THSD4: variants seen among roughly 807,000 people sequenced by gnomAD.
THSD4 encodes the protein thrombospondin type 1 domain containing 4.
Under a neutral mutation model 119.0 loss-of-function variants are expected in THSD4, and 69 were observed. That is an observed-to-expected ratio of 0.58 (90% CI 0.48 to 0.71). The LOEUF (loss-of-function observed/expected upper bound fraction) is 0.71, where lower values mean the gene tolerates loss of function less well. Ranked by LOEUF, THSD4 falls within the 30% of genes least tolerant of loss-of-function variation. The pLI is 0.00. For missense variants in THSD4, 1,393 were observed against 1,391.1 expected (o/e 1.00, Z -0.02); for synonymous variants, 524 against 540.4 (o/e 0.97, Z 0.42).
chr15:71,594,184 CA>C (rs1490141937), intron 7 of THSD4, among the ~76,000 whole-genome samples: 2 of 151,848 alleles, frequency 1.3e-5, no homozygotes, highest in African/African-American at 4.8e-5. Flanking sequence ...CCTTTCACTC[CA>C]GTCTGTTCCC....
chr15:71,109,003 CAAACAAACAAAA>C lies in THSD4; in HGVS notation c.-80+12017_-80+12028del, dbSNP rs1020847512. Among the ~76,000 whole-genome samples the C allele has an allele frequency of 4.2e-4, 64 of 151,994 alleles. 1 individual carries two copies. The highest frequency in any genetic ancestry group is 1.1e-3 in the African/African-American group (46 of 41,380). Reference sequence around the variant, plus strand: ...TGAGACTCCGTCTCAAACAAACAAACAAACAAACAAAAAAACAAACAAAAAAACAAAAAGAGA... The same window carrying C: ...TGAGACTCCGTCTCAAACAAACAAACAAACAAACAAAAAAACAAAAAGAGA... On this transcript the variant is annotated intron_variant, in intron 1 of 17. Transcript: ENST00000355327.
At chr15:71,719,044 A>C (rs560574940) in intron 8 of THSD4, among the ~76,000 whole-genome samples, 11 of 152,316 alleles carry the variant, frequency 7.2e-5, no homozygotes, top group Non-Finnish European at 1.3e-4. Context: ...ACATACATAA[A>C]CTTTCTTTAA....
rs928519504 is a variant in THSD4 at position 71,652,074 on chromosome 15, C to T, written c.1153-8456C>T. Among the ~76,000 whole-genome samples the T allele has an allele frequency of 5.9e-5, 9 of 152,348 alleles. No individual in the cohort carries two copies. In the East Asian group the frequency reaches 1.5e-3, roughly 26 times the overall value. The stretch of plus-strand genomic sequence containing the variant: ...ATCAGGCCAGTGTGCAAGCAACCTC[C>T]ATCCTGGATCAGAGTTCATCAACCC... On this transcript the variant is annotated intron_variant, in intron 7 of 17. Coordinates refer to ENST00000261862, the MANE Select transcript of THSD4 (RefSeq NM_024817.3).
intron 6 of THSD4, among the ~76,000 whole-genome samples, chr15:71,333,379 C>T (rs984172110): frequency 1.3e-5 from 2 of 152,168 alleles, no homozygotes; most frequent in African/African-American, 4.8e-5. Context: ...TCACTGTGGT[C>T]ATAGAGAATT....
At chr15:71,494,335 C>G (rs977445122) in intron 7 of THSD4, among the ~76,000 whole-genome samples, 18 of 151,870 alleles carry the variant, frequency 1.2e-4, no homozygotes, top group African/African-American at 4.4e-4. Context: ...CTTTTCTAAC[C>G]CCCCTTCCAA....
At chr15:71,532,283 A>AGAGTGTGTGTGTGT (rs1379506089) in intron 7 of THSD4, among the ~76,000 whole-genome samples, 1 of 101,574 alleles carries the variant, frequency 9.8e-6, no homozygotes, top group African/African-American at 3.4e-5. Flanking sequence ...AGAGAGAGAG[A>AGAGTGTGTGTGTGT]GTGTGTGTGT....
intron 7 of THSD4, among the ~76,000 whole-genome samples, chr15:71,657,282 C>G (rs905317363): frequency 6.6e-6 from 1 of 152,142 alleles, no homozygotes; most frequent in Non-Finnish European, 1.5e-5. Context: ...TGCATCTTTA[C>G]GTGTTTCGAT....
intron 4 of THSD4, among the ~76,000 whole-genome samples, chr15:71,242,403 A>T (rs952772502): frequency 6.6e-6 from 1 of 152,150 alleles, no homozygotes; most frequent in Non-Finnish European, 1.5e-5. Flanking sequence ...AACCACTTGC[A>T]TCATCCACTG....
At chr15:71,398,957 C>T (rs1297476041) in intron 6 of THSD4, among the ~76,000 whole-genome samples, 1 of 151,966 alleles carries the variant, frequency 6.6e-6, no homozygotes, top group Admixed American at 6.6e-5. Context: ...AGTCCCCAGG[C>T]CCCCATGAGA....
intron 7 of THSD4, among the ~76,000 whole-genome samples, chr15:71,543,576 G>A (rs2048791702): frequency 6.6e-6 from 1 of 152,238 alleles, no homozygotes; most frequent in African/African-American, 2.4e-5. Flanking sequence ...TACTGAGATG[G>A]AGGAAACAGG....
At chr15:71,128,193 A>G (rs181669682) in intron 1 of THSD4, among the ~76,000 whole-genome samples, 1 of 151,908 alleles carries the variant, frequency 6.6e-6, no homozygotes, top group African/African-American at 2.4e-5. Flanking sequence ...CAACCTGAGC[A>G]ACAGATATAA....
chr15:71,538,818 G>T (rs1418887507), intron 7 of THSD4, among the ~76,000 whole-genome samples: 1 of 152,252 alleles, frequency 6.6e-6, no homozygotes, highest in Non-Finnish European at 1.5e-5. Flanking sequence ...CCAATGCATT[G>T]TCTGAACTAG....
intron 6 of THSD4, among the ~76,000 whole-genome samples, chr15:71,345,738 A>G (rs990355649): frequency 6.6e-6 from 1 of 151,734 alleles, no homozygotes; most frequent in South Asian, 2.1e-4. Context: ...AGATGCCCCT[A>G]AAGACATTCC....
At position 71,502,309 on chromosome 15, in the gene THSD4, C is replaced by T. The variant is rs2048123784; in HGVS notation, c.1152+90486C>T. 2.6e-5 allele frequency among the ~76,000 whole-genome samples: 4 copies of T among 152,104 alleles called. 1 individual carries two copies. In the South Asian group the frequency reaches 8.3e-4, roughly 32 times the overall value. On this transcript the variant is annotated intron_variant, in intron 7 of 17. Transcript: ENST00000261862. ...CTTAAAAATGCCTCTCAACACTTAT[C>T]ATGTGCTATGGAAATGAACTAGGAG...
rs1038473484 is a variant in THSD4, at chr15:71,274,915, G to A, written c.1015+18200G>A. Among the ~76,000 whole-genome samples the A allele has an allele frequency of 3.9e-4, 60 of 152,222 alleles. 1 individual carries two copies. The highest frequency in any genetic ancestry group is 1.4e-3 in the African/African-American group (60 of 41,516). ...TCTAATGAGCAGATTAGACTAAATA[G>A]GAATGATTTTAAGGACTTGAAACCA... On this transcript the variant is annotated intron_variant, in intron 6 of 17. Transcript: ENST00000261862.
intron 7 of THSD4, among the ~76,000 whole-genome samples, chr15:71,631,212 C>A (rs911350954): frequency 6.6e-6 from 1 of 152,146 alleles, no homozygotes; most frequent in African/African-American, 2.4e-5. Context: ...CTGTGCCAGC[C>A]CAAGTCATGC....
intron 15 of THSD4, among the ~76,000 whole-genome samples, chr15:71,763,928 T>A (rs537256280): frequency 1.1e-4 from 16 of 152,036 alleles, no homozygotes; most frequent in African/African-American, 3.9e-4. Context: ...TAGCCAGGTG[T>A]GGTGACATAT....
chr15:71,250,322 T>A (rs1267663866), intron 5 of THSD4, among the ~76,000 whole-genome samples: 1 of 152,116 alleles, frequency 6.6e-6, no homozygotes, highest in Non-Finnish European at 1.5e-5. Flanking sequence ...CTTGGGAGAT[T>A]AAGGTGGTTT....
At chr15:71,689,463 G>T (rs918731014) in intron 8 of THSD4, among the ~76,000 whole-genome samples, 6 of 152,176 alleles carry the variant, frequency 3.9e-5, no homozygotes, top group African/African-American at 1.4e-4. Flanking sequence ...AGGTAGAGAG[G>T]ATGAAAGGAG....
Sources: gnomAD v4.1 joint callset for allele counts (sites outside exome capture counted in the v4.1 genomes callset) on GRCh38, gnomAD v4.1.1 for gene constraint, MANE v1.5 for transcripts, NCBI Gene and HGNC (gene_info 2026-07-23, HGNC 2026-07-21) for gene names.